Variants in STXBP5L observed in about 807,000 individuals in gnomAD.
The protein encoded by STXBP5L is syntaxin binding protein 5L.
Under a neutral mutation model 144.5 loss-of-function variants are expected in STXBP5L, and 65 were observed. The ratio of observed to expected loss-of-function variants is 0.45; its 90% CI spans 0.37 to 0.55. The LOEUF is 0.55. STXBP5L is among the 20% of genes least tolerant of loss of function. The pLI, the probability that STXBP5L is intolerant of heterozygous loss-of-function variation, is 0.00. For missense variants in STXBP5L, 1,298 were observed against 1,405.5 expected (o/e 0.92, Z 1.22); for synonymous variants, 505 against 469.6 (o/e 1.08, Z -0.97).
chr3:121,343,912 T>C (rs911279095), intron 20 of STXBP5L, among the ~76,000 whole-genome samples: 3 of 152,008 alleles, frequency 2.0e-5, no homozygotes, highest in Non-Finnish European at 2.9e-5. Context: ...AAAGTTCATA[T>C]GGAACCAAAA....
intron 5 of STXBP5L, among the ~76,000 whole-genome samples, chr3:121,091,990 A>G (rs1201462387): frequency 3.3e-5 from 5 of 152,152 alleles, no homozygotes; most frequent in African/African-American, 2.4e-5. Flanking sequence ...AGCTTTCTAC[A>G]TATGGCTAGC....
intron 5 of STXBP5L, among the ~76,000 whole-genome samples, chr3:121,093,476 C>G (rs1270862186): frequency 7.2e-5 from 11 of 152,158 alleles, no homozygotes; most frequent in African/African-American, 2.4e-4. Context: ...TTCAGAGATT[C>G]AACTTCTTCC....
rs1406082653 is a variant in STXBP5L at position 121,092,229 on chromosome 3, G to A, written c.471-22696G>A. Among the ~76,000 whole-genome samples the A allele has an allele frequency of 7.2e-5, 11 of 151,990 alleles. No individual in the cohort carries two copies. The East Asian group carries it at 1.7e-3, about 24-fold the overall frequency. On this transcript the variant is annotated intron_variant, in intron 5 of 26. Coordinates refer to ENST00000471454, the MANE Select transcript of STXBP5L (RefSeq NM_001308330.2). ...TGATGCCTCCAGCTTTGTTCTTTTG[G>A]CTTAGGACTGACTTGGCAATGCGGG...
intron 9 of STXBP5L, among the ~76,000 whole-genome samples, chr3:121,199,919 A>T (rs1174463961): frequency 2.0e-5 from 3 of 152,116 alleles, no homozygotes; most frequent in Admixed American, 1.3e-4. Context: ...ATTGATGTTC[A>T]TCAGGGATAT....
intron 3 of STXBP5L, among the ~76,000 whole-genome samples, chr3:121,002,252 T>C (rs953534509): frequency 6.6e-6 from 1 of 150,938 alleles, no homozygotes; most frequent in African/African-American, 2.4e-5. Context: ...TTCTAATCGA[T>C]GTGAGATAAT....
chr3:121,289,752 A>G (rs1339620898), intron 19 of STXBP5L, among the ~76,000 whole-genome samples: 1 of 152,170 alleles, frequency 6.6e-6, no homozygotes, highest in Non-Finnish European at 1.5e-5. Flanking sequence ...AAACTCCAAA[A>G]GGAACCCTCA....
chr3:120,937,733 AAAAC>A (rs1319166588), intron 2 of STXBP5L, among the ~76,000 whole-genome samples: 8 of 152,184 alleles, frequency 5.3e-5, no homozygotes, highest in East Asian at 1.9e-4. Flanking sequence ...AGTATCTTAA[AAAAC>A]AAACAAACAA....
chr3:121,095,263 C>G (rs892976283), intron 5 of STXBP5L, among the ~76,000 whole-genome samples: 1 of 152,136 alleles, frequency 6.6e-6, no homozygotes, highest in African/African-American at 2.4e-5. Context: ...ACTTATGTGT[C>G]TTGGAGTTGC....
chr3:121,009,149 A>T (rs146519821), intron 3 of STXBP5L, among the ~76,000 whole-genome samples: 1 of 152,100 alleles, frequency 6.6e-6, no homozygotes, highest in African/African-American at 2.4e-5. Flanking sequence ...GTGGCTGAGG[A>T]CAGACAATGG....
intron 2 of STXBP5L, among the ~76,000 whole-genome samples, chr3:120,941,851 T>C (rs1248898075): frequency 6.6e-6 from 1 of 151,668 alleles, no homozygotes; most frequent in East Asian, 1.9e-4. Context: ...TCAATAACTT[T>C]GAATAAAAAT....
intron 2 of STXBP5L, among the ~76,000 whole-genome samples, chr3:120,926,472 A>G (rs1709638676): frequency 6.7e-6 from 1 of 149,650 alleles, no homozygotes; most frequent in Non-Finnish European, 1.5e-5. Flanking sequence ...TGCTGCTTTT[A>G]GGATCCTCTC....
chr3:121,215,359 T>G (rs1402456796), intron 10 of STXBP5L, among the ~76,000 whole-genome samples: 4 of 152,176 alleles, frequency 2.6e-5, no homozygotes, highest in Non-Finnish European at 5.9e-5. Context: ...TGTTTCCAAA[T>G]TTAGTACTTT....
At chr3:121,260,611 T>C (rs2050353083) in intron 18 of STXBP5L, among the ~76,000 whole-genome samples, 2 of 152,176 alleles carry the variant, frequency 1.3e-5, no homozygotes, top group African/African-American at 4.8e-5. Flanking sequence ...TATTAAACTA[T>C]ATTTTTTCCT....
chr3:120,989,960 C>A (rs1168785840), intron 3 of STXBP5L, among the ~76,000 whole-genome samples: 1 of 151,914 alleles, frequency 6.6e-6, no homozygotes, highest in African/African-American at 2.4e-5. Context: ...CTGGCCAGGA[C>A]AATCAGGCAG....
At chr3:121,365,419 A>G (rs1289250282) in intron 20 of STXBP5L, among the ~76,000 whole-genome samples, 1 of 55,812 alleles carries the variant, frequency 1.8e-5, no homozygotes, top group African/African-American at 8.9e-5. Flanking sequence ...TTTTAATCAG[A>G]AGATTTTTTT....
At position 121,123,566 on chromosome 3, in the gene STXBP5L, G is replaced by GA. The variant is rs895170122; in HGVS notation, c.669+1872dup. 5.0e-3 allele frequency among the ~76,000 whole-genome samples: 713 copies of GA among 143,176 alleles called. 4 individuals are homozygous for GA. Among genetic ancestry groups the GA allele is most frequent in the Non-Finnish European group, 8.2e-3 (533 of 64,714 alleles). The allele number at this position is 143,176 out of a possible 152,430, so 93.9% of individuals were successfully genotyped here. A position where few individuals can be genotyped will look rare whatever the true frequency, so the allele number is the denominator to read the frequency against. On this transcript the variant is annotated intron_variant, in intron 7 of 26. Transcript: ENST00000471454. ...TGTACTTATATATTCAAATGCCTAA[G>GA]AAAAAAAAAAGCCTGAAAGAATATA... is the stretch of plus-strand genomic sequence containing the variant.
chr3:120,962,664 G>A (rs1166317739), intron 3 of STXBP5L, among the ~76,000 whole-genome samples: 1 of 152,140 alleles, frequency 6.6e-6, no homozygotes, highest in African/African-American at 2.4e-5. Flanking sequence ...GTACCATGCT[G>A]TTTTGCTTAC....
intron 20 of STXBP5L, among the ~76,000 whole-genome samples, chr3:121,370,655 T>C (rs898208072): frequency 6.6e-6 from 1 of 152,234 alleles, no homozygotes; most frequent in Non-Finnish European, 1.5e-5. Flanking sequence ...GAGTCATAGA[T>C]TCAGTCTCTT....
chr3:121,063,383 G>T (rs1560079205), intron 5 of STXBP5L, among the ~76,000 whole-genome samples: 1 of 152,158 alleles, frequency 6.6e-6, no homozygotes, highest in Non-Finnish European at 1.5e-5. Flanking sequence ...CATCCCAAAG[G>T]GGCACCCGCC....
Sources: gnomAD v4.1 joint callset for allele counts (sites outside exome capture counted in the v4.1 genomes callset) on GRCh38, gnomAD v4.1.1 for gene constraint, MANE v1.5 for transcripts, NCBI Gene and HGNC (gene_info 2026-07-23, HGNC 2026-07-21) for gene names.